The following FBXW4 variants were observed in gnomAD, a reference collection of about 807,000 sequenced individuals.
FBXW4 encodes F-box and WD repeat domain containing 4.
Under a neutral mutation model 61.8 loss-of-function variants are expected in FBXW4, and 40 were observed. The ratio of observed to expected loss-of-function variants is 0.65; its 90% CI spans 0.50 to 0.84. The LOEUF is 0.84. Ranked by LOEUF, FBXW4 falls within the 40% of genes least tolerant of loss-of-function variation. FBXW4 has a pLI of 0.00. For missense variants in FBXW4, 672 were observed against 753.8 expected (o/e 0.89, Z 1.27); for synonymous variants, 311 against 313.8 (o/e 0.99, Z 0.10).
intron 5 of FBXW4, among the ~76,000 whole-genome samples, chr10:101,643,837 C>A (rs2064073899): frequency 6.6e-6 from 1 of 152,164 alleles, no homozygotes; most frequent in African/African-American, 2.4e-5. Context: ...CCTAAGGGGG[C>A]CTGGGGTAGG....
rs189997674 is a variant in FBXW4, at chr10:101,667,041, C to T, written c.1235+845G>A. Among the ~76,000 whole-genome samples, 308 of 152,032 alleles carry T rather than the reference C, an allele frequency of 2.0e-3. 1 individual carries two copies. Among genetic ancestry groups the T allele is most frequent in the African/African-American group, 7.2e-3 (297 of 41,494 alleles). ...GGTCAGGTGATCGAGACCATCCTGG[C>T]TAACACAGTGAAACTCCGTCTCTAC... On this transcript the variant is annotated intron_variant, in intron 5 of 8. Transcript: ENST00000331272.
intron 5 of FBXW4, chr10:101,660,086 GGGAGGGGTC>G: frequency 1.0e-6 from 1 of 985,426 alleles, no homozygotes; most frequent in Non-Finnish European, 1.2e-6. Context: ...AAGGAAGGGC[GGGAGGGGTC>G]GGAGTCAGAT....
At chr10:101,679,546 A>C (rs1254207351) in intron 1 of FBXW4, among the ~76,000 whole-genome samples, 1 of 152,206 alleles carries the variant, frequency 6.6e-6, no homozygotes, top group Non-Finnish European at 1.5e-5. Context: ...AATTAGTGCT[A>C]TTGGGTTTGT....
At chr10:101,633,217 A>C (rs2063972969) in intron 5 of FBXW4, among the ~76,000 whole-genome samples, 1 of 152,242 alleles carries the variant, frequency 6.6e-6, no homozygotes, top group Non-Finnish European at 1.5e-5. Flanking sequence ...TTCCTCAAGG[A>C]TCTAGAACCA....
At position 101,611,342 on chromosome 10, in the gene FBXW4, G is replaced by A; in HGVS notation, c.1653C>T (p.Leu551=). 1 of 1,614,198 alleles carries A rather than the reference G, an allele frequency of 6.2e-7. No homozygotes were observed. ...GGAGGTTGTAAGACAGGGCAGCATA[G>A]AGATGCTTGGTGGTGAGACGCAGGC... is the stretch of plus-strand genomic sequence containing the variant. The part of the protein sequence containing the change: ...VYCLRLTTKH[L]YAALSYNLHV... Residue 551 remains leucine, a synonymous_variant, in exon 9 of 9, where the codon CTC becomes CTT. Coordinates refer to ENST00000331272, the MANE Select transcript of FBXW4 (RefSeq NM_022039.4). This position sits in a 1 kb window ranked among gnomAD's most constrained non-coding sequence, Gnocchi z 4.9.
intron 1 of FBXW4, among the ~76,000 whole-genome samples, chr10:101,682,076 C>T (rs572869817): frequency 4.6e-5 from 7 of 151,994 alleles, no homozygotes; most frequent in Non-Finnish European, 8.8e-5. Context: ...TAAATCACTA[C>T]AAAAAAAGTT....
chr10:101,627,176 C>G (rs760759634), intron 5 of FBXW4, among the ~76,000 whole-genome samples: 4 of 151,844 alleles, frequency 2.6e-5, no homozygotes, highest in African/African-American at 7.3e-5. Flanking sequence ...AGGTGTGAAC[C>G]ACTGGCGCTC....
Position 101,612,386 on chromosome 10 carries a change from A to G in FBXW4, c.1393T>C (p.Cys465Arg), listed in dbSNP as rs766528179. Residue 465 changes from cysteine to arginine, a missense_variant, in exon 7 of 9, where the codon TGT (cysteine) becomes CGT (arginine). Cys to Arg is a radical substitution (Grantham distance 180). Transcript: ENST00000331272. ...TAGCGAACATAGGTGTCATAGCCAC[A>G]GGACAGCAGTGTGAAAGGGGACTCA... is the stretch of plus-strand genomic sequence containing the variant. Reference protein sequence around the residue: ...MYESPFTLLSCGYDTYVRYWD... With the variant: ...MYESPFTLLSRGYDTYVRYWD... The G allele has an allele frequency of 1.0e-5, 16 of 1,599,240 alleles. No homozygotes were observed. The highest frequency in any genetic ancestry group is 2.3e-5 in the East Asian group (1 of 44,188).
chr10:101,650,199 T>C (rs1047687242), intron 5 of FBXW4, among the ~76,000 whole-genome samples: 1 of 152,228 alleles, frequency 6.6e-6, no homozygotes, highest in Non-Finnish European at 1.5e-5. Flanking sequence ...GCTCTACCTG[T>C]GACCATGTCC....
chr10:101,615,916 C>T (rs950934541), intron 6 of FBXW4, among the ~76,000 whole-genome samples: 2 of 152,182 alleles, frequency 1.3e-5, no homozygotes, highest in African/African-American at 2.4e-5. Flanking sequence ...CCCCAACAGC[C>T]GCCTGTACTA....
intron 1 of FBXW4, among the ~76,000 whole-genome samples, chr10:101,684,452 T>C (rs781670851): frequency 2.9e-4 from 44 of 152,158 alleles, no homozygotes; most frequent in Non-Finnish European, 5.6e-4. Context: ...GTATGTTTAA[T>C]AGAGATGGGG....
chr10:101,632,919 G>A (rs1021120636), intron 5 of FBXW4, among the ~76,000 whole-genome samples: 7 of 152,138 alleles, frequency 4.6e-5, no homozygotes, highest in Admixed American at 4.6e-4. Flanking sequence ...CAATATAATT[G>A]TCTGCCTAGA....
At chr10:101,658,709 A>C (rs2064214730) in intron 5 of FBXW4, among the ~76,000 whole-genome samples, 1 of 152,076 alleles carries the variant, frequency 6.6e-6, no homozygotes, top group South Asian at 2.1e-4. Flanking sequence ...CCACATAAAA[A>C]CATACATTCT....
chr10:101,681,718 A>AAATAATAATAATAAT (rs60453783), intron 1 of FBXW4, among the ~76,000 whole-genome samples: 52 of 143,404 alleles, frequency 3.6e-4, no homozygotes, highest in East Asian at 1.0e-3. Context: ...CTCCGTCTCA[A>AAATAATAATAATAAT]AATAATAATA....
At chr10:101,669,995 T>C (rs1308420655) in intron 4 of FBXW4, among the ~76,000 whole-genome samples, 1 of 152,048 alleles carries the variant, frequency 6.6e-6, no homozygotes, top group African/African-American at 2.4e-5. Flanking sequence ...GACCTCATGA[T>C]CCACCCGCCT....
chr10:101,641,365 T>C (rs532058138), intron 5 of FBXW4, among the ~76,000 whole-genome samples: 1 of 152,288 alleles, frequency 6.6e-6, no homozygotes, highest in African/African-American at 2.4e-5. Flanking sequence ...AGAATTAAAG[T>C]TTAAAAATAC....
chr10:101,671,825 A>G (rs2064360411), intron 4 of FBXW4, among the ~76,000 whole-genome samples: 1 of 152,214 alleles, frequency 6.6e-6, no homozygotes. Context: ...TTCAGTTTCC[A>G]TGTTGGTTCA....
rs556171330 is a variant in FBXW4 at position 101,685,780 on chromosome 10, A to C, written c.725+8601T>G. On this transcript the variant is annotated intron_variant, in intron 1 of 8. Coordinates refer to ENST00000331272, the MANE Select transcript of FBXW4 (RefSeq NM_022039.4). ...TACAAAACTATGTCTTTAACACAAA[A>C]AGTGAGAACCATGGTCCTAGCATAA... Among the ~76,000 whole-genome samples, 6 of 152,350 alleles carry C rather than the reference A, an allele frequency of 3.9e-5. No homozygotes were observed. In the South Asian group the frequency reaches 6.2e-4, roughly 16 times the overall value.
intron 3 of FBXW4, 83 bp downstream of exon 3, chr10:101,673,405 T>C: frequency 1.3e-6 from 2 of 1,493,100 alleles, no homozygotes; most frequent in Middle Eastern, 3.8e-4. Flanking sequence ...CCTTTGGAGT[T>C]AAGACAGAAA....
Sources: allele counts gnomAD v4.1 joint callset (sites outside exome capture counted in the v4.1 genomes callset), GRCh38; gene constraint gnomAD v4.1.1; non-coding constraint Gnocchi (gnomAD v3.1); transcripts MANE v1.5; gene names NCBI Gene and HGNC (gene_info 2026-07-23, HGNC 2026-07-21).